Variants in FAM83A observed in about 807,000 individuals in gnomAD.
The protein encoded by FAM83A is scaffolding CK1 anchoring protein A, also known as protein FAM83A.
In FAM83A, 21 loss-of-function variants were observed where a neutral mutation model predicts 24.4. The observed-to-expected ratio is 0.86, with a 90% CI of 0.61 to 1.24. The LOEUF (loss-of-function observed/expected upper bound fraction) is 1.24. FAM83A is among the 50% of genes most tolerant of loss of function. FAM83A has a pLI of 0.00. For synonymous variants in FAM83A, 270 were observed against 252.4 expected (o/e 1.07, Z -0.66); for missense variants, 617 against 579.8 (o/e 1.06, Z -0.66).
At chr8:123,207,619 G>T in exon 4 of FAM83A, 1 of 1,556,790 alleles carries the variant, frequency 6.4e-7, no homozygotes, top group Non-Finnish European at 8.6e-7. Context: ...TGCAGCTGGA[G>T]CAGCTGGGCC....
chr8:123,207,565 C>T (rs773327588), exon 4 of FAM83A: 9 of 1,565,324 alleles, frequency 5.7e-6, no homozygotes, highest in African/African-American at 1.4e-5. Flanking sequence ...ACGGCCCGCC[C>T]GCCGCTGTCT....
At chr8:123,185,854 G>A (rs1311456797) in intron 1 of FAM83A, among the ~76,000 whole-genome samples, 1 of 152,100 alleles carries the variant, frequency 6.6e-6, no homozygotes, top group East Asian at 1.9e-4. Context: ...GCGTTGGCTC[G>A]ATCTTGGCTC....
intron 3 of FAM83A, among the ~76,000 whole-genome samples, chr8:123,205,584 G>A (rs561881450): frequency 5.7e-4 from 87 of 152,348 alleles, no homozygotes; most frequent in African/African-American, 2.0e-3. Context: ...GCCTTTGGGT[G>A]GCAAGACAGG....
intron 1 of FAM83A, among the ~76,000 whole-genome samples, chr8:123,191,344 A>T (rs1823967189): frequency 6.6e-6 from 1 of 152,008 alleles, no homozygotes; most frequent in Non-Finnish European, 1.5e-5. Context: ...TCCACATGGG[A>T]TTTTGTTTGA....
exon 1 of FAM83A, chr8:123,182,806 T>G (rs1310741234): frequency 6.6e-7 from 1 of 1,504,968 alleles, no homozygotes; most frequent in Non-Finnish European, 8.9e-7. Flanking sequence ...TTCCCACATC[T>G]GGAGGAGCTG....
At chr8:123,193,680 G>T (rs533231103) in intron 2 of FAM83A, among the ~76,000 whole-genome samples, 1 of 152,290 alleles carries the variant, frequency 6.6e-6, no homozygotes, top group East Asian at 1.9e-4. Flanking sequence ...ATTCCTCATG[G>T]TTCTAGAGGC....
At chr8:123,192,086 A>G in intron 2 of FAM83A, 116 bp downstream of exon 2, 2 of 1,243,718 alleles carry the variant, frequency 1.6e-6, no homozygotes, top group South Asian at 1.5e-5. Context: ...ATAAAGGTTC[A>G]TTTCTTGCTC....
intron 3 of FAM83A, among the ~76,000 whole-genome samples, chr8:123,200,962 A>ATATATATATAT (rs1376845493): frequency 5.0e-5 from 7 of 141,152 alleles, no homozygotes; most frequent in African/African-American, 1.3e-4. Flanking sequence ...ATAAACAAAA[A>ATATATATATAT]AAAAAAATAT....
upstream of FAM83A, chr8:123,179,817 T>C (rs1398934273): frequency 6.6e-6 from 1 of 152,214 alleles, no homozygotes; most frequent in Non-Finnish European, 1.5e-5. Context: ...TACTCACCTC[T>C]GTCTCAGGGA....
chr8:123,183,814 G>C (rs1391036526), intron 1 of FAM83A, among the ~76,000 whole-genome samples: 2 of 151,496 alleles, frequency 1.3e-5, no homozygotes, highest in Admixed American at 6.6e-5. Flanking sequence ...TCCTGCTTCA[G>C]CCTCTTGAGT....
Position 123,209,093 on chromosome 8 carries a change from G to C in FAM83A, c.*1405G>C. The C allele has an allele frequency of 9.7e-7, 1 of 1,027,202 alleles. No individual in the cohort carries two copies. The highest frequency in any genetic ancestry group is 1.2e-6 in the Non-Finnish European group (1 of 857,644). The allele number at this position is 1,027,202 out of a possible 1,614,324, so 63.6% of individuals were successfully genotyped here. On this transcript the variant is annotated 3_prime_UTR_variant, in exon 4 of 4. Coordinates refer to ENST00000690554, the Ensembl canonical transcript of FAM83A. The surrounding 1 kb of genome is among the most constrained non-coding windows in gnomAD (Gnocchi z 4.7). ...CACCTCAGGTGTGATAGTGGGGTCA[G>C]TGGTATGTGATCCAGGCTGGGGAGC...
chr8:123,182,852 G>A, exon 1 of FAM83A: 1 of 1,519,722 alleles, frequency 6.6e-7, no homozygotes, highest in African/African-American at 1.4e-5. Context: ...CCAGGGACGG[G>A]AGGCATGAGC....
At chr8:123,189,774 T>A (rs1823910829) in intron 1 of FAM83A, among the ~76,000 whole-genome samples, 1 of 152,222 alleles carries the variant, frequency 6.6e-6, no homozygotes, top group African/African-American at 2.4e-5. Flanking sequence ...TATTAATTGA[T>A]GTCTCATGTC....
At position 123,191,972 on chromosome 8, in the gene FAM83A, T is replaced by A. The variant is rs897517375; in HGVS notation, c.648+2T>A. 6.2e-7 allele frequency: 1 copy of A among 1,613,968 alleles called. No individual in the cohort carries two copies. Among genetic ancestry groups the A allele is most frequent in the Non-Finnish European group, 8.5e-7 (1 of 1,179,904 alleles). On this transcript the variant is annotated splice_donor_variant, in intron 2 of 3. Coordinates refer to ENST00000690554, the Ensembl canonical transcript of FAM83A. LOFTEE classifies it high-confidence loss of function. ...CAGATCTCTGACAGTCACCTCAAGG[T>A]AGGGGCCCCAATGAGAGTCCTAAGG...
intron 1 of FAM83A, among the ~76,000 whole-genome samples, chr8:123,187,708 A>G (rs1236239762): frequency 6.6e-6 from 1 of 152,122 alleles, no homozygotes; most frequent in African/African-American, 2.4e-5. Flanking sequence ...TAATTTTTAG[A>G]GTGGAAGGGG....
rs1824651987 is a variant in FAM83A at position 123,209,025 on chromosome 8, G to A, written c.*1337G>A. On this transcript the variant is annotated 3_prime_UTR_variant, in exon 4 of 4. Transcript: ENST00000690554. The surrounding 1 kb of genome is among the most constrained non-coding windows in gnomAD (Gnocchi z 4.7). ...GGGTTGGCCAGCCCTGTGGTGGGTGGGATGTCAGAGACACTTCCCAGATAA... is the reference window on the plus strand; with the variant it reads ...GGGTTGGCCAGCCCTGTGGTGGGTGAGATGTCAGAGACACTTCCCAGATAA... The A allele has an allele frequency of 2.0e-6, 2 of 989,252 alleles. No individual in the cohort carries two copies. Among genetic ancestry groups the A allele is most frequent in the Non-Finnish European group, 2.4e-6 (2 of 832,838 alleles). The allele number at this position is 989,252 out of a possible 1,614,324, so 61.3% of individuals were successfully genotyped here.
upstream of FAM83A, chr8:123,181,941 T>C (rs11780863): frequency 0.25 from 107,989 of 433,158 alleles, 14,252 homozygotes; most frequent in African/African-American, 0.32. Flanking sequence ...CATTGCCAGA[T>C]CACGATCTGA....
At position 123,209,526 on chromosome 8, in the gene FAM83A, T is replaced by G. The variant is rs770393951; in HGVS notation, c.*1838T>G. ...AGCCCTGACCTTGTTGTTTCACAGCTGACGGCTGAGATGAGGTTAGAATGA... is the reference window on the plus strand; with the variant it reads ...AGCCCTGACCTTGTTGTTTCACAGCGGACGGCTGAGATGAGGTTAGAATGA... On this transcript the variant is annotated 3_prime_UTR_variant, in exon 4 of 4. Transcript: ENST00000690554. This position sits in a 1 kb window ranked among gnomAD's most constrained non-coding sequence, Gnocchi z 4.7. 3 of 1,614,112 alleles carry G rather than the reference T, an allele frequency of 1.9e-6. No homozygotes were observed. In the African/African-American group the frequency reaches 4.0e-5, roughly 22 times the overall value.
In FAM83A at chr8:123,209,634, A is replaced by G; in HGVS notation, c.*1946A>G. 2 of 1,452,106 alleles carry G rather than the reference A, an allele frequency of 1.4e-6. No individual in the cohort carries two copies. Among genetic ancestry groups the G allele is most frequent in the South Asian group, 1.2e-5 (1 of 84,092 alleles). The allele number at this position is 1,452,106 out of a possible 1,614,324, so 90.0% of individuals were successfully genotyped here. A position where few individuals can be genotyped will look rare whatever the true frequency, so the allele number is the denominator to read the frequency against. On this transcript the variant is annotated 3_prime_UTR_variant, in exon 4 of 4. Coordinates refer to ENST00000690554, the Ensembl canonical transcript of FAM83A. This position sits in a 1 kb window ranked among gnomAD's most constrained non-coding sequence, Gnocchi z 4.7. ...AAGGCAAAGCTTGCCAGGTCACAGA[A>G]GCTCCCAAGCCCAGCTTTCCAAAGG...
Sources: gnomAD v4.1 joint callset for allele counts (sites outside exome capture counted in the v4.1 genomes callset) on GRCh38, gnomAD v4.1.1 for gene constraint, Gnocchi (gnomAD v3.1) non-coding constraint, MANE v1.5 for transcripts, NCBI Gene and HGNC (gene_info 2026-07-23, HGNC 2026-07-21) for gene names.